The following CSGALNACT1 variants were observed in gnomAD, a reference collection of about 807,000 sequenced individuals.
CSGALNACT1 encodes beta4GalNAcT-1.
A neutral mutation model predicts 51.0 loss-of-function variants in CSGALNACT1; 52 were observed. The observed-to-expected ratio is 1.02, with a 90% CI of 0.82 to 1.29. The LOEUF (loss-of-function observed/expected upper bound fraction) is 1.29. CSGALNACT1 is among the 50% of genes most tolerant of loss of function. The pLI, the probability that CSGALNACT1 is intolerant of heterozygous loss-of-function variation, is 0.00. For synonymous variants in CSGALNACT1, 341 were observed against 254.4 expected, an observed-to-expected ratio of 1.34 and a Z score of -3.24; for missense variants, 935 against 679.2, an observed-to-expected ratio of 1.38 and a Z score of -4.19.
rs568367383 is a variant in CSGALNACT1 at position 19,612,349 on chromosome 8, A to G, written c.-543-10484T>C. ...CAGGATGAATCCCTGTCTCAAAAAA[A>G]AAAACTAATTGAAAAAAAAAATTCT... On this transcript the variant is annotated intron_variant, in intron 1 of 9. Transcript: ENST00000332246. Among the ~76,000 whole-genome samples the G allele has an allele frequency of 2.9e-3, 437 of 152,180 alleles. 1 individual carries two copies. Among genetic ancestry groups the G allele is most frequent in the African/African-American group, 0.01 (420 of 41,510 alleles).
At chr8:19,520,241 C>T (rs1331747315) in intron 3 of CSGALNACT1, among the ~76,000 whole-genome samples, 1 of 152,220 alleles carries the variant, frequency 6.6e-6, no homozygotes, top group African/African-American at 2.4e-5. Context: ...CATGAAGCTA[C>T]ATCAACCAAG....
At chr8:19,750,905 G>C (rs1415472394) in intron 1 of CSGALNACT1, among the ~76,000 whole-genome samples, 3 of 152,084 alleles carry the variant, frequency 2.0e-5, no homozygotes, top group Non-Finnish European at 4.4e-5. Flanking sequence ...CAAACACCTT[G>C]ATCGGAAGTT....
chr8:19,684,550 G>A (rs903890986), upstream of CSGALNACT1, among the ~76,000 whole-genome samples: 3 of 152,074 alleles, frequency 2.0e-5, no homozygotes, highest in Non-Finnish European at 4.4e-5. Flanking sequence ...AAGAGAAAAA[G>A]GGAACAGATG....
At chr8:19,717,596 T>C (rs2062881745) in intron 1 of CSGALNACT1, among the ~76,000 whole-genome samples, 1 of 152,144 alleles carries the variant, frequency 6.6e-6, no homozygotes, top group Non-Finnish European at 1.5e-5. Flanking sequence ...TGCCCCTTTA[T>C]GTGGTTTAGA....
At position 19,688,126 on chromosome 8, in the gene CSGALNACT1, C is replaced by T. The variant is rs890948549; in HGVS notation, c.-297+69724G>A. Among the ~76,000 whole-genome samples the T allele has an allele frequency of 2.0e-5, 3 of 152,192 alleles. No individual in the cohort carries two copies. The East Asian group carries it at 5.8e-4, about 29-fold the overall frequency. ...GGCCAGTTGACACCCCCAGAGTGAA[C>T]AACTCTCTGACTAGATCAGTATTTG... On this transcript the variant is annotated intron_variant, in intron 1 of 1. Transcript: ENST00000517494.
chr8:19,531,986 C>G (rs12114430), intron 3 of CSGALNACT1: 32,150 of 151,964 alleles, frequency 0.21, 3,664 homozygotes, highest in African/African-American at 0.31. Flanking sequence ...CTGAATCTCT[C>G]TACTTCCTGC....
At chr8:19,668,616 A>T (rs1371334706) in intron 1 of CSGALNACT1, among the ~76,000 whole-genome samples, 2 of 152,156 alleles carry the variant, frequency 1.3e-5, no homozygotes, top group Non-Finnish European at 2.9e-5. Flanking sequence ...ATGTAGTGGC[A>T]TGATCTTGGC....
At chr8:19,554,534 A>T (rs1564023705) in intron 3 of CSGALNACT1, among the ~76,000 whole-genome samples, 1 of 44,672 alleles carries the variant, frequency 2.2e-5, no homozygotes. Context: ...CGATGCAACC[A>T]TATTGAGCAA....
intron 5 of CSGALNACT1, among the ~76,000 whole-genome samples, chr8:19,451,522 G>T (rs922655466): frequency 1.3e-5 from 2 of 152,164 alleles, no homozygotes; most frequent in Admixed American, 6.5e-5. Context: ...AATAAATTTT[G>T]TCCCCATGGA....
At chr8:19,677,276 T>C (rs2060263303) in intron 1 of CSGALNACT1, among the ~76,000 whole-genome samples, 1 of 152,120 alleles carries the variant, frequency 6.6e-6, no homozygotes, top group South Asian at 2.1e-4. Flanking sequence ...GCCTAGCTAA[T>C]TTTTTTATAT....
At chr8:19,612,954 A>G (rs1473167568) in intron 1 of CSGALNACT1, among the ~76,000 whole-genome samples, 18 of 130,516 alleles carry the variant, frequency 1.4e-4, no homozygotes, top group African/African-American at 6.2e-4. Flanking sequence ...TGGAAAAAAA[A>G]AAAAAAAAAA....
chr8:19,484,936 GA>G (rs2072477229), intron 4 of CSGALNACT1, among the ~76,000 whole-genome samples: 2 of 152,128 alleles, frequency 1.3e-5, no homozygotes, highest in Admixed American at 1.3e-4. Context: ...GACACAGTGA[GA>G]GGGGGTGGTC....
chr8:19,677,721 G>A (rs2060299060), intron 1 of CSGALNACT1, among the ~76,000 whole-genome samples: 1 of 152,168 alleles, frequency 6.6e-6, no homozygotes, highest in Admixed American at 6.5e-5. Flanking sequence ...AGGGTCACCA[G>A]CTGATATTAA....
intron 1 of CSGALNACT1, among the ~76,000 whole-genome samples, chr8:19,715,557 C>T (rs2154235598): frequency 6.6e-6 from 1 of 152,246 alleles, no homozygotes; most frequent in African/African-American, 2.4e-5. Context: ...GATTCCATGT[C>T]TTTGCTGTTG....
intron 3 of CSGALNACT1, among the ~76,000 whole-genome samples, chr8:19,527,651 T>C (rs145857689): frequency 5.8e-4 from 88 of 152,280 alleles, no homozygotes; most frequent in African/African-American, 2.0e-3. Context: ...TAGAAGTAAC[T>C]GAGTGGCATA....
intron 1 of CSGALNACT1, among the ~76,000 whole-genome samples, chr8:19,650,345 A>G (rs760567208): frequency 7.9e-5 from 12 of 152,226 alleles, no homozygotes; most frequent in Non-Finnish European, 1.5e-4. Context: ...AGTGTGAAAT[A>G]AAGAGATGTA....
intron 1 of CSGALNACT1, among the ~76,000 whole-genome samples, chr8:19,745,990 A>C (rs1008249485): frequency 6.6e-6 from 1 of 152,182 alleles, no homozygotes; most frequent in Non-Finnish European, 1.5e-5. Context: ...GGGTTTGCTC[A>C]GACTTGGTGA....
rs549908765 is a variant in CSGALNACT1, at chr8:19,629,871, G to A, written c.-543-28006C>T. On this transcript the variant is annotated intron_variant, in intron 1 of 9. Coordinates refer to the CSGALNACT1 transcript ENST00000332246. ...GTATGCAAATTGAATTAGAAAAAAT[G>A]ACAGAGAAGGAGTAAGCACGTGAGT... Among the ~76,000 whole-genome samples the A allele has an allele frequency of 1.5e-3, 230 of 152,282 alleles. 2 individuals are homozygous for A. Among genetic ancestry groups the A allele is most frequent in the African/African-American group, 5.3e-3 (222 of 41,560 alleles).
intron 3 of CSGALNACT1, among the ~76,000 whole-genome samples, chr8:19,553,640 A>ATATATATATATATATATATATAT (rs201836569): frequency 0.027 from 3,099 of 115,568 alleles, 165 homozygotes; most frequent in South Asian, 0.032. Context: ...TATATATATA[A>ATATATATATATATATATATATAT]AAAAATATGT....
Sources: gnomAD v4.1 joint callset for allele counts (sites outside exome capture counted in the v4.1 genomes callset) on GRCh38, gnomAD v4.1.1 for gene constraint, MANE v1.5 for transcripts, NCBI Gene and HGNC (gene_info 2026-07-23, HGNC 2026-07-21) for gene names.